SKAP2: variants seen among roughly 807,000 people sequenced by gnomAD.
SKAP2 encodes src kinase-associated phosphoprotein 2.
A neutral mutation model predicts 54.9 loss-of-function variants in SKAP2; 28 were observed. That is an observed-to-expected ratio of 0.51 (90% CI 0.38 to 0.70). SKAP2 has a LOEUF of 0.70. SKAP2 is among the 30% of genes least tolerant of loss of function. The pLI is 0.00. For synonymous variants in SKAP2, 137 were observed against 134.3 expected (o/e 1.02, Z -0.14); for missense variants, 356 against 424.1 (o/e 0.84, Z 1.41).
At chr7:26,831,020 T>C (rs1784583820) in intron 4 of SKAP2, among the ~76,000 whole-genome samples, 1 of 152,198 alleles carries the variant, frequency 6.6e-6, no homozygotes, top group African/African-American at 2.4e-5. Flanking sequence ...AGGTTTTGAT[T>C]GGCAGCCTTG....
chr7:26,689,760 G>A (rs1786740639), intron 10 of SKAP2, among the ~76,000 whole-genome samples: 1 of 152,190 alleles, frequency 6.6e-6, no homozygotes, highest in African/African-American at 2.4e-5. Flanking sequence ...AGAAGACAGA[G>A]CTGTGGGTCG....
chr7:26,778,417 A>G (rs942218262), intron 4 of SKAP2, among the ~76,000 whole-genome samples: 1 of 152,098 alleles, frequency 6.6e-6, no homozygotes, highest in Non-Finnish European at 1.5e-5. Flanking sequence ...GTTCCATACT[A>G]TGATTCCGCT....
intron 4 of SKAP2, among the ~76,000 whole-genome samples, chr7:26,806,258 C>T (rs146593507): frequency 2.0e-5 from 3 of 152,148 alleles, no homozygotes; most frequent in Non-Finnish European, 4.4e-5. Context: ...AAGAATCACA[C>T]ACCTCTCACT....
chr7:26,851,248 T>C (rs988834411), intron 3 of SKAP2, among the ~76,000 whole-genome samples: 1 of 134,076 alleles, frequency 7.5e-6, no homozygotes, highest in Non-Finnish European at 1.6e-5. Flanking sequence ...CGAAACCCCG[T>C]TTTTACCAAA....
chr7:26,828,472 T>C (rs1735619646), intron 4 of SKAP2, among the ~76,000 whole-genome samples: 1 of 147,046 alleles, frequency 6.8e-6, no homozygotes. Flanking sequence ...GGTCAGGAGA[T>C]CAAGACCATC....
At chr7:26,750,273 T>C (rs894141230) in intron 4 of SKAP2, among the ~76,000 whole-genome samples, 15 of 151,584 alleles carry the variant, frequency 9.9e-5, no homozygotes, top group Admixed American at 7.9e-4. Context: ...ATATATACCA[T>C]ATACCTAATA....
At chr7:26,864,245 A>G in intron 1 of SKAP2, 118 bp downstream of exon 1, 1 of 1,233,252 alleles carries the variant, frequency 8.1e-7, no homozygotes, top group Non-Finnish European at 1.2e-6. Context: ...CCCACTGGCT[A>G]GAAGACGTGG....
At chr7:26,698,472 A>G (rs553026475) in intron 9 of SKAP2, among the ~76,000 whole-genome samples, 1 of 152,324 alleles carries the variant, frequency 6.6e-6, no homozygotes, top group South Asian at 2.1e-4. Context: ...ATCAACTTAG[A>G]CTGCCCTGCA....
intron 4 of SKAP2, among the ~76,000 whole-genome samples, chr7:26,787,467 C>T (rs1311416833): frequency 2.6e-5 from 4 of 152,058 alleles, no homozygotes; most frequent in Non-Finnish European, 4.4e-5. Flanking sequence ...AGACTACAGG[C>T]GTGCACCACC....
At chr7:26,660,405 T>A in the SKAP2 span, among the ~76,000 whole-genome samples, 1 of 152,082 alleles carries the variant, frequency 6.6e-6, no homozygotes, top group African/African-American at 2.4e-5. Context: ...TTTTAAAATT[T>A]CAAAACTGTT....
intron 4 of SKAP2, among the ~76,000 whole-genome samples, chr7:26,822,785 A>C (rs1159456835): frequency 6.6e-6 from 1 of 151,936 alleles, no homozygotes; most frequent in Non-Finnish European, 1.5e-5. Context: ...AGGGAGGCTG[A>C]GGCAGGAGAA....
At chr7:26,799,680 C>G (rs1241344955) in intron 4 of SKAP2, among the ~76,000 whole-genome samples, 1 of 152,186 alleles carries the variant, frequency 6.6e-6, no homozygotes, top group Non-Finnish European at 1.5e-5. Context: ...AAAGAAACAT[C>G]AGGCTTAATC....
At chr7:26,661,382 G>C in the SKAP2 span, among the ~76,000 whole-genome samples, 241 of 152,206 alleles carry the variant, frequency 1.6e-3, 1 homozygote, top group African/African-American at 5.6e-3. Flanking sequence ...TTCATAGATA[G>C]ACATCTGGAA....
intron 4 of SKAP2, among the ~76,000 whole-genome samples, chr7:26,811,114 T>C (rs1784134979): frequency 2.0e-5 from 3 of 152,322 alleles, no homozygotes; most frequent in South Asian, 2.1e-4. Context: ...CCAAAGCTCA[T>C]GTCCCTAAAC....
At chr7:26,681,897 A>G (rs1218430377) in intron 11 of SKAP2, among the ~76,000 whole-genome samples, 1 of 152,240 alleles carries the variant, frequency 6.6e-6, no homozygotes, top group East Asian at 1.9e-4. Flanking sequence ...GACATGGAAT[A>G]GGAAAGTAAT....
intron 9 of SKAP2, among the ~76,000 whole-genome samples, chr7:26,696,743 T>C (rs1452805657): frequency 2.6e-5 from 4 of 152,220 alleles, no homozygotes; most frequent in African/African-American, 9.6e-5. Context: ...GGAAATACCA[T>C]TGGATTGTAG....
At chr7:26,746,762 T>C (rs1388911112) in intron 4 of SKAP2, 1 of 152,092 alleles carries the variant, frequency 6.6e-6, no homozygotes, top group Non-Finnish European at 1.5e-5. Context: ...ACACTACTAT[T>C]TTTCTTGTAC....
chr7:26,746,632 T>TTC lies in SKAP2; in HGVS notation c.308-6669_308-6668insGA, dbSNP rs1782565012. Reference sequence around the variant, plus strand: ...GTTCCATACCTTTTTTTTTTTTTTTTTTTACCTTAAACATGTCACTGAGCC... The same window carrying TTC: ...GTTCCATACCTTTTTTTTTTTTTTTTTCTTTACCTTAAACATGTCACTGAGCC... On this transcript the variant is annotated intron_variant, in intron 4 of 12. Coordinates refer to ENST00000345317, the MANE Select transcript of SKAP2 (RefSeq NM_003930.5). 2 of 151,538 alleles carry TTC rather than the reference T, an allele frequency of 1.3e-5. 1 individual carries two copies. Among genetic ancestry groups the TTC allele is most frequent in the South Asian group, 4.2e-4 (2 of 4,804 alleles). 9.4% of individuals were successfully genotyped at this position (151,538 alleles called of 1,614,324 possible). A position where few individuals can be genotyped will look rare whatever the true frequency, so the allele number is the denominator to read the frequency against.
At position 26,725,443 on chromosome 7, in the gene SKAP2, A is replaced by C; in HGVS notation, c.781T>G (p.Tyr261Asp). 6.2e-7 allele frequency: 1 copy of C among 1,610,692 alleles called. No individual in the cohort carries two copies. The highest frequency in any genetic ancestry group is 8.5e-7 in the Non-Finnish European group (1 of 1,178,868). ...AAGTAAATACCTGGAAGTTCTTCATAAATTTCATCATCTATTGGTTGACTG... is the reference window on the plus strand; with the variant it reads ...AAGTAAATACCTGGAAGTTCTTCATCAATTTCATCATCTATTGGTTGACTG... ...TSSQPIDDEI[Y>D]EELPEEEEDS... is the part of the protein sequence containing the mutation. Residue 261 changes from tyrosine (Y) to aspartate (D), a missense_variant, in exon 9 of 13, where the codon TAT becomes GAT. Coordinates refer to ENST00000345317, the MANE Select transcript of SKAP2 (RefSeq NM_003930.5).
Sources: gnomAD v4.1 joint callset for allele counts (sites outside exome capture counted in the v4.1 genomes callset) on GRCh38, gnomAD v4.1.1 for gene constraint, MANE v1.5 for transcripts, NCBI Gene and HGNC (gene_info 2026-07-23, HGNC 2026-07-21) for gene names.